The following GNB5 variants were observed in gnomAD, a reference collection of about 807,000 sequenced individuals.
GNB5 encodes the protein guanine nucleotide-binding protein subunit beta-5.
Under a neutral mutation model 55.3 loss-of-function variants are expected in GNB5, and 37 were observed. The observed-to-expected ratio is 0.67, with a 90% CI of 0.51 to 0.88. GNB5 has a LOEUF of 0.88. GNB5 is among the 40% of genes least tolerant of loss of function. The probability of loss-of-function intolerance (pLI) is 0.00; values close to 1 mark genes in which losing one functional copy is unlikely to be tolerated. For missense variants in GNB5, 476 were observed against 515.3 expected (o/e 0.92, Z 0.74); for synonymous variants, 219 against 198.5 (o/e 1.10, Z -0.87).
chr15:52,162,665 A>G (rs935095115), intron 3 of GNB5: 13 of 152,176 alleles, frequency 8.5e-5, no homozygotes, highest in African/African-American at 3.1e-4. Context: ...AGGAGAAAAA[A>G]AATTTAATGC....
intron 3 of GNB5, among the ~76,000 whole-genome samples, chr15:52,175,432 G>A (rs1397969194): frequency 6.6e-6 from 1 of 152,148 alleles, no homozygotes; most frequent in African/African-American, 2.4e-5. Flanking sequence ...AACAAGGCCT[G>A]TGTGTGTCAG....
intron 3 of GNB5, among the ~76,000 whole-genome samples, chr15:52,159,851 C>T (rs2034293975): frequency 6.6e-6 from 1 of 152,122 alleles, no homozygotes; most frequent in South Asian, 2.1e-4. Context: ...ACAGGGTTGA[C>T]TCCGCTGGCA....
chr15:52,119,408 GGGAGGAGATGGGAGGGAGGA>G lies in GNB5; in HGVS notation c.*3329_*3348del, dbSNP rs2033211382. On this transcript the variant is annotated 3_prime_UTR_variant, in exon 13 of 13. Transcript: ENST00000261837. Reference sequence around the variant, plus strand: ...AGATGGGAGGGAGGAGGAGATGGGAGGGAGGAGATGGGAGGGAGGAGGAGGAGATGGGAGGGAGGGAGGAG... The same window carrying G: ...AGATGGGAGGGAGGAGGAGATGGGAGGGAGGAGATGGGAGGGAGGGAGGAG... The G allele has an allele frequency of 2.4e-5, 1 of 41,898 alleles. No individual in the cohort carries two copies. The highest frequency in any genetic ancestry group is 4.3e-5 in the Non-Finnish European group (1 of 23,118). The allele number at this position is 41,898 out of a possible 1,614,324, so 2.6% of individuals were successfully genotyped here.
intron 5 of GNB5, chr15:52,149,160 A>C (rs944135036): frequency 6.6e-6 from 1 of 152,312 alleles, no homozygotes; most frequent in African/African-American, 2.4e-5. Context: ...TTCCCATGAC[A>C]CTGACTAAAC....
intron 8 of GNB5, among the ~76,000 whole-genome samples, chr15:52,135,014 C>CCAG (rs2033668438): frequency 6.6e-6 from 1 of 151,900 alleles, no homozygotes; most frequent in African/African-American, 2.4e-5. Flanking sequence ...AAGCCCTGAC[C>CCAG]CAGGCACCCT....
intron 1 of GNB5, among the ~76,000 whole-genome samples, chr15:52,190,095 C>T (rs919857874): frequency 6.7e-6 from 1 of 150,098 alleles, no homozygotes. Context: ...TGAAACAAAA[C>T]GTGGACATCA....
At chr15:52,161,116 C>G (rs2034322289) in intron 3 of GNB5, among the ~76,000 whole-genome samples, 1 of 152,170 alleles carries the variant, frequency 6.6e-6, no homozygotes, top group Non-Finnish European at 1.5e-5. Context: ...GATGAGGAGC[C>G]TGGAGCTCAG....
At chr15:52,178,222 G>C (rs1421211849) in intron 3 of GNB5, among the ~76,000 whole-genome samples, 1 of 152,198 alleles carries the variant, frequency 6.6e-6, no homozygotes, top group African/African-American at 2.4e-5. Context: ...CTTAGCAGGG[G>C]ACCTTCGGTA....
chr15:52,158,841 C>T (rs1271515848), intron 3 of GNB5, among the ~76,000 whole-genome samples: 1 of 152,090 alleles, frequency 6.6e-6, no homozygotes, highest in Non-Finnish European at 1.5e-5. Context: ...GAGAGTCAGT[C>T]CCTGACCTCA....
In GNB5 at chr15:52,135,746, G is replaced by A. The variant is rs34637551; in HGVS notation, c.638C>T (p.Ala213Val). The A allele has an allele frequency of 1.9e-3, 3,027 of 1,612,152 alleles. 51 individuals are homozygous for A. The African/African-American group carries it at 0.035, about 19-fold the overall frequency. The stretch of plus-strand genomic sequence containing the variant: ...CAGGGCACATGTGCCATCGCCGCTC[G>A]CTGTCAGGATCTGCCCGCAGAAAAG... ...FTNSDMQILT[A>V]SGDGTCALWD... The change falls in exon 8 of 13, where the codon GCG becomes GTG. Residue 213 changes from alanine (A) to valine (V), a missense_variant. Physicochemically the swap from Ala to Val is moderately conservative, Grantham distance 64 (BLOSUM62 0). Transcript: ENST00000261837.
intron 2 of GNB5, among the ~76,000 whole-genome samples, chr15:52,181,612 AAAAAACAAAAAC>A (rs893863456): frequency 7.2e-5 from 11 of 152,194 alleles, no homozygotes; most frequent in East Asian, 3.9e-4. Flanking sequence ...CAAGACTCAA[AAAAAACAAAAAC>A]AAAAACAAAA....
chr15:52,175,805 C>T (rs2034639311), intron 3 of GNB5, among the ~76,000 whole-genome samples: 1 of 151,462 alleles, frequency 6.6e-6, no homozygotes, highest in Non-Finnish European at 1.5e-5. Context: ...AATCCCAGCA[C>T]TTTGGGAGGC....
rs1417583184 is a variant in GNB5 at position 52,119,543 on chromosome 15, G to A, written c.*3214C>T. The A allele has an allele frequency of 1.4e-5, 2 of 146,454 alleles. No individual in the cohort carries two copies. The highest frequency in any genetic ancestry group is 3.0e-5 in the Non-Finnish European group (2 of 66,348). 9.1% of individuals were successfully genotyped at this position (146,454 alleles called of 1,614,324 possible). Reference sequence around the variant, plus strand: ...AAGAGAAAGAGGGAAGATAGGTGGAGGGAGAAGGGAGGGGGGCAAATAGGA... The same window carrying A: ...AAGAGAAAGAGGGAAGATAGGTGGAAGGAGAAGGGAGGGGGGCAAATAGGA... On this transcript the variant is annotated 3_prime_UTR_variant, in exon 13 of 13. Coordinates refer to ENST00000261837, the MANE Select transcript of GNB5 (RefSeq NM_016194.4).
intron 3 of GNB5, among the ~76,000 whole-genome samples, chr15:52,157,224 C>A (rs991563020): frequency 1.1e-4 from 17 of 147,926 alleles, no homozygotes; most frequent in Non-Finnish European, 1.8e-4. Context: ...GCGTGAGCCA[C>A]GGCACCCGGC....
At chr15:52,141,060 C>A in intron 7 of GNB5, 80 bp downstream of exon 7, 1 of 1,251,982 alleles carries the variant, frequency 8.0e-7, no homozygotes, top group Non-Finnish European at 1.2e-6. Flanking sequence ...TTCAGAGAGA[C>A]GCCGAAAGCT....
Position 52,184,578 on chromosome 15 carries a change from G to A in GNB5, c.99C>T (p.Leu33=). The change falls in exon 2 of 13, where the codon CTC becomes CTT. Residue 33 remains leucine (L), a synonymous_variant. Coordinates refer to ENST00000261837, the MANE Select transcript of GNB5 (RefSeq NM_016194.4). ...TTTCTGCACATGTTGAACAGTAGCT[G>A]AGTTGTTGAGACTTCTTGAAAACTG... ...LRPVFKKSQQ[L]SYCSTCAEIM... 1 of 1,613,370 alleles carries A rather than the reference G, an allele frequency of 6.2e-7. No individual in the cohort carries two copies. Among genetic ancestry groups the A allele is most frequent in the South Asian group, 1.1e-5 (1 of 91,052 alleles).
At chr15:52,143,635 AG>A (rs1216319722) in intron 6 of GNB5, among the ~76,000 whole-genome samples, 4 of 152,240 alleles carry the variant, frequency 2.6e-5, no homozygotes, top group South Asian at 2.1e-4. Context: ...AACAACTGAG[AG>A]GGAGACCCAG....
intron 11 of GNB5, chr15:52,124,965 G>C (rs2033383494): frequency 5.4e-6 from 1 of 184,264 alleles, no homozygotes; most frequent in South Asian, 1.8e-4. Flanking sequence ...TTAGTCATTT[G>C]CTAGTTAACA....
At chr15:52,135,553 G>A in intron 8 of GNB5, 60 bp downstream of exon 8, 1 of 1,437,464 alleles carries the variant, frequency 7.0e-7, no homozygotes, top group South Asian at 1.2e-5. Flanking sequence ...GACAAGAACT[G>A]CCACCATAAG....
Sources: gnomAD v4.1 joint callset for allele counts (sites outside exome capture counted in the v4.1 genomes callset) on GRCh38, gnomAD v4.1.1 for gene constraint, MANE v1.5 for transcripts, NCBI Gene and HGNC (gene_info 2026-07-23, HGNC 2026-07-21) for gene names.